The following CDC73 variants were observed in gnomAD, a reference collection of about 807,000 sequenced individuals.
The protein encoded by CDC73 is cell division cycle 73.
CDC73 carries 21 observed loss-of-function variants against 83.7 expected under a neutral mutation model. The ratio of observed to expected loss-of-function variants is 0.25; its 90% CI spans 0.18 to 0.36. The LOEUF is 0.36. CDC73 is among the 10% of genes least tolerant of loss of function. The pLI is 1.00. For missense variants in CDC73, 342 were observed against 653.3 expected (o/e 0.52, Z 5.19); for synonymous variants, 224 against 212.9 (o/e 1.05, Z -0.45).
intron 10 of CDC73, 30 bp downstream of exon 10, chr1:193,152,474 T>G (rs1676131325): frequency 6.9e-7 from 1 of 1,439,904 alleles, no homozygotes; most frequent in African/African-American, 1.4e-5. Context: ...GATGTTCTTT[T>G]GTTCCAGGGA....
chr1:193,248,625 A>T (rs1429953152), intron 15 of CDC73, among the ~76,000 whole-genome samples: 2 of 152,128 alleles, frequency 1.3e-5, no homozygotes, highest in Admixed American at 1.3e-4. Flanking sequence ...TGTGATTAAT[A>T]GGAGGAAGTC....
Position 193,135,405 on chromosome 1 carries a change from A to G in CDC73, c.322A>G (p.Ile108Val), listed in dbSNP as rs1475793228. 2.5e-6 allele frequency: 4 copies of G among 1,613,456 alleles called. No individual in the cohort carries two copies. The highest frequency in any genetic ancestry group is 1.1e-5 in the South Asian group (1 of 91,064). The change falls in exon 4 of 17, where the codon ATA (isoleucine) becomes GTA (valine). Residue 108 changes from isoleucine to valine, a missense_variant. This residue lies in a region of CDC73 where 99 missense variants were observed against 174.5 expected (regional missense o/e 0.57). Coordinates refer to ENST00000367435, the MANE Select transcript of CDC73 (RefSeq NM_024529.5). ...TATGTCTTCAGCAACATCGGCAAGT[A>G]TAGACAGAAGCGCTCCCTTAGAAAT... ...LNGEASTSASIDRSAPLEIGL... is the reference protein window; with the variant it reads ...LNGEASTSASVDRSAPLEIGL...
chr1:193,202,268 T>G (rs1677104600), intron 10 of CDC73, among the ~76,000 whole-genome samples: 1 of 152,064 alleles, frequency 6.6e-6, no homozygotes, highest in Admixed American at 6.6e-5. Flanking sequence ...CCTATTATGC[T>G]CCAGGTACTG....
chr1:193,181,357 G>A, intron 10 of CDC73: 1 of 1,613,952 alleles, frequency 6.2e-7, no homozygotes, highest in Non-Finnish European at 8.5e-7. Context: ...ACTTTTTGTT[G>A]ACCGAAATCC....
intron 10 of CDC73, among the ~76,000 whole-genome samples, chr1:193,169,839 G>C (rs1676490736): frequency 1.3e-5 from 2 of 151,698 alleles, no homozygotes; most frequent in Admixed American, 1.3e-4. Context: ...ACATGTGCAG[G>C]TTTGTTACAC....
Position 193,157,412 on chromosome 1 carries a change from C to T in CDC73, c.972+4968C>T, listed in dbSNP as rs556419866. ...TTCATTGTGCCAATCTAAATGTGGC[C>T]ACAGATATGTTTTATTAGGCATCCA... On this transcript the variant is annotated intron_variant, in intron 10 of 16. Coordinates refer to ENST00000367435, the MANE Select transcript of CDC73 (RefSeq NM_024529.5). Among the ~76,000 whole-genome samples, 30 of 152,184 alleles carry T rather than the reference C, an allele frequency of 2.0e-4. No individual in the cohort carries two copies. The South Asian group carries it at 5.8e-3, about 29-fold the overall frequency.
chr1:193,136,112 A>G (rs1675794762), intron 5 of CDC73, among the ~76,000 whole-genome samples: 1 of 152,128 alleles, frequency 6.6e-6, no homozygotes, highest in South Asian at 2.1e-4. Context: ...ATGAAAGGCC[A>G]GATAGTAAAT....
chr1:193,231,718 A>C (rs962146597), intron 13 of CDC73, among the ~76,000 whole-genome samples: 10 of 152,186 alleles, frequency 6.6e-5, no homozygotes, highest in African/African-American at 2.4e-4. Flanking sequence ...CAGTATCATC[A>C]TTATCACCAT....
intron 10 of CDC73, among the ~76,000 whole-genome samples, chr1:193,163,151 T>TGTGTGTGTG (rs1491164364): frequency 2.5e-5 from 1 of 39,826 alleles, no homozygotes; most frequent in African/African-American, 4.5e-5. Context: ...CTTTGTGGGG[T>TGTGTGTGTG]TGTGTGTGTG....
intron 15 of CDC73, among the ~76,000 whole-genome samples, chr1:193,243,238 C>T (rs1028882007): frequency 6.6e-6 from 1 of 151,726 alleles, no homozygotes; most frequent in Non-Finnish European, 1.5e-5. Context: ...CCGTGCCCAG[C>T]TTACTTCTTG....
At chr1:193,163,935 C>T (rs1166547490) in intron 10 of CDC73, among the ~76,000 whole-genome samples, 16 of 152,088 alleles carry the variant, frequency 1.1e-4, no homozygotes, top group Non-Finnish European at 1.8e-4. Context: ...CCCGCCACCA[C>T]ACCCAGCTAA....
chr1:193,178,661 T>G (rs1275107138), intron 10 of CDC73, among the ~76,000 whole-genome samples: 1 of 152,192 alleles, frequency 6.6e-6, no homozygotes, highest in Non-Finnish European at 1.5e-5. Flanking sequence ...ATTTCTGTAG[T>G]CATATAGAAT....
rs138951305 is a variant in CDC73, at chr1:193,206,255, T to A, written c.1030+2403T>A. ...GTTCTAGCTTACTTTTTAGCTAAAG[T>A]GCCCTGGGGATTAAACCAATGGAAA... On this transcript the variant is annotated intron_variant, in intron 11 of 16. Transcript: ENST00000367435. Among the ~76,000 whole-genome samples, 6 of 152,316 alleles carry A rather than the reference T, an allele frequency of 3.9e-5. No homozygotes were observed. The East Asian group carries it at 1.2e-3, about 29-fold the overall frequency.
intron 15 of CDC73, among the ~76,000 whole-genome samples, chr1:193,243,586 A>G (rs1042841489): frequency 2.0e-5 from 3 of 152,354 alleles, no homozygotes; most frequent in Non-Finnish European, 4.4e-5. Flanking sequence ...ATGATTAGCA[A>G]ATAGTTGAAC....
chr1:193,176,221 C>T (rs1413653823), intron 10 of CDC73, among the ~76,000 whole-genome samples: 1 of 152,188 alleles, frequency 6.6e-6, no homozygotes, highest in Non-Finnish European at 1.5e-5. Context: ...GGCCCTCCCT[C>T]ATGGTGGTGT....
chr1:193,227,179 T>G (rs1174607466), intron 13 of CDC73, among the ~76,000 whole-genome samples: 1 of 152,200 alleles, frequency 6.6e-6, no homozygotes, highest in African/African-American at 2.4e-5. Context: ...ATTTTGTTTA[T>G]CTTTTCAAAG....
intron 8 of CDC73, among the ~76,000 whole-genome samples, chr1:193,149,194 G>A (rs973494955): frequency 6.6e-6 from 1 of 152,138 alleles, no homozygotes; most frequent in African/African-American, 2.4e-5. Flanking sequence ...TGAGCTTATA[G>A]TCTAATACAG....
chr1:193,227,729 C>A (rs1330313645), intron 13 of CDC73, among the ~76,000 whole-genome samples: 2 of 152,040 alleles, frequency 1.3e-5, no homozygotes, highest in African/African-American at 4.8e-5. Flanking sequence ...TTATAACATT[C>A]GTCATATTTG....
intron 10 of CDC73, chr1:193,180,398 C>T: frequency 6.2e-7 from 1 of 1,613,868 alleles, no homozygotes; most frequent in Non-Finnish European, 8.5e-7. Flanking sequence ...TTTATCAGTT[C>T]ACTAGGCTGG....
Sources: allele counts gnomAD v4.1 joint callset (sites outside exome capture counted in the v4.1 genomes callset), GRCh38; gene constraint gnomAD v4.1.1; regional missense constraint gnomAD v4.1.1; transcripts MANE v1.5; gene names NCBI Gene and HGNC (gene_info 2026-07-23, HGNC 2026-07-21).